Variants in CD4 observed in about 807,000 individuals in gnomAD.
CD4 encodes T-cell surface glycoprotein CD4.
CD4 carries 25 observed loss-of-function variants against 50.5 expected under a neutral mutation model. The ratio of observed to expected loss-of-function variants is 0.49; its 90% CI spans 0.36 to 0.69. The LOEUF (loss-of-function observed/expected upper bound fraction) is 0.69, where lower values mean the gene tolerates loss of function less well. Among genes scored for constraint, CD4 ranks in the 30% least tolerant of loss-of-function variants. CD4 has a pLI of 0.00. For synonymous variants in CD4, 207 were observed against 221.9 expected (o/e 0.93, Z 0.60); for missense variants, 456 against 548.5 (o/e 0.83, Z 1.68).
rs1398737130 is a variant in CD4 at position 6,814,258 on chromosome 12, G to C, written c.331G>C (p.Val111Leu). ...IEDSDTYICE[V>L]EDQKEEVQLL... ...AGACTCAGATACTTACATCTGTGAA[G>C]TGGAGGACCAGAAGGAGGAGGTGCA... Residue 111 changes from valine to leucine, a missense_variant, in exon 4 of 10, where the codon GTG becomes CTG. By Grantham distance (32) the Val-to-Leu change is conservative. Coordinates refer to ENST00000011653, the MANE Select transcript of CD4 (RefSeq NM_000616.5). 3 of 1,614,064 alleles carry C rather than the reference G, an allele frequency of 1.9e-6. No homozygotes were observed. The highest frequency in any genetic ancestry group is 2.7e-5 in the African/African-American group (2 of 74,936).
At chr12:6,798,387 T>C (rs577954520) in intron 1 of CD4, among the ~76,000 whole-genome samples, 2 of 98,424 alleles carry the variant, frequency 2.0e-5, no homozygotes, top group South Asian at 2.3e-4. Flanking sequence ...TTCACCAGGA[T>C]GGTCTCGATC....
At chr12:6,806,832 T>C (rs1942775233) in intron 3 of CD4, among the ~76,000 whole-genome samples, 1 of 152,192 alleles carries the variant, frequency 6.6e-6, no homozygotes, top group Non-Finnish European at 1.5e-5. Flanking sequence ...GAGGCTAAAA[T>C]GGCAAAGCCA....
intron 5 of CD4, 200 bp downstream of exon 5, chr12:6,815,192 A>G: frequency 1.8e-6 from 1 of 559,296 alleles, no homozygotes; most frequent in African/African-American, 1.9e-5. Flanking sequence ...GCCACCCCTC[A>G]GTGTGGTGGA....
chr12:6,819,077 GC>G (rs1565503611), intron 9 of CD4, among the ~76,000 whole-genome samples, 163 bp downstream of exon 9: 1 of 151,126 alleles, frequency 6.6e-6, no homozygotes, highest in African/African-American at 2.4e-5. Flanking sequence ...GGAGATGGGG[GC>G]TAAAGGGGTG....
chr12:6,807,396 A>G (rs782573964), intron 3 of CD4, among the ~76,000 whole-genome samples: 1 of 152,232 alleles, frequency 6.6e-6, no homozygotes. Context: ...AAAAGGATGA[A>G]TCATAGTACA....
At position 6,818,762 on chromosome 12, in the gene CD4, C is replaced by T. The variant is rs114163955; in HGVS notation, c.1279-85C>T. ...GGCCATGTAACTGCTTCTCCTGTCG[C>T]AGCTTCCCCCACTCCCCCCACCAAG... is the stretch of plus-strand genomic sequence containing the variant. On this transcript the variant is annotated intron_variant, in intron 8 of 9. Coordinates refer to ENST00000011653, the MANE Select transcript of CD4 (RefSeq NM_000616.5). The surrounding 1 kb of genome is among the most constrained non-coding windows in gnomAD (Gnocchi z 5.0). 1,974 of 1,315,882 alleles carry T rather than the reference C, an allele frequency of 1.5e-3. 13 individuals carry two copies. The African/African-American group carries it at 0.02, about 13-fold the overall frequency. The allele number at this position is 1,315,882 out of a possible 1,614,324, so 81.5% of individuals were successfully genotyped here. A position where few individuals can be genotyped will look rare whatever the true frequency, so the allele number is the denominator to read the frequency against.
chr12:6,810,153 G>A (rs11575097), intron 3 of CD4, among the ~76,000 whole-genome samples: 1 of 149,806 alleles, frequency 6.7e-6, no homozygotes, highest in Admixed American at 6.7e-5. Flanking sequence ...GCCTCCCAGA[G>A]TGCTGGGATT....
chr12:6,817,708 ACT>A (rs782559673), intron 7 of CD4, among the ~76,000 whole-genome samples: 7 of 150,244 alleles, frequency 4.7e-5, no homozygotes, highest in South Asian at 2.1e-4. Flanking sequence ...ACTCCCATAC[ACT>A]CTCACACACG....
At chr12:6,794,775 GT>G (rs763211966) in intron 1 of CD4, among the ~76,000 whole-genome samples, 24 of 112,548 alleles carry the variant, frequency 2.1e-4, no homozygotes, top group East Asian at 2.0e-3. Flanking sequence ...CTGTATGTCT[GT>G]TTTTTTTTTG....
At position 6,818,499 on chromosome 12, in the gene CD4, T is replaced by A. The variant is rs11064421; in HGVS notation, c.1235T>A (p.Ile412Asn). 6.2e-7 allele frequency: 1 copy of A among 1,613,114 alleles called. No homozygotes were observed. The highest frequency in any genetic ancestry group is 1.1e-5 in the South Asian group (1 of 91,086). Residue 412 changes from isoleucine to asparagine, a missense_variant, in exon 8 of 10, where the codon ATT becomes AAT. By Grantham distance (149) the Ile-to-Asn change is moderately radical. Coordinates refer to ENST00000011653, the MANE Select transcript of CD4 (RefSeq NM_000616.5). This position sits in a 1 kb window ranked among gnomAD's most constrained non-coding sequence, Gnocchi z 5.0. ...LGGVAGLLLFIGLGIFFCVRC... is the reference protein window; with the variant it reads ...LGGVAGLLLFNGLGIFFCVRC... ...GGCGTCGCCGGCCTCCTGCTTTTCA[T>A]TGGGCTAGGCATCTTCTTCTGTGTC...
rs2137934495 is a variant in CD4 at position 6,819,417 on chromosome 12, C to T, written c.*88C>T. On this transcript the variant is annotated 3_prime_UTR_variant, in exon 10 of 10. Transcript: ENST00000011653. Reference sequence around the variant, plus strand: ...TGCGGACCAGATGAATGTAGCAGATCCCCAGCCTCTGGCCTCCTGTTCGCC... The same window carrying T: ...TGCGGACCAGATGAATGTAGCAGATTCCCAGCCTCTGGCCTCCTGTTCGCC... 3 of 1,303,072 alleles carry T rather than the reference C, an allele frequency of 2.3e-6. No individual in the cohort carries two copies. The highest frequency in any genetic ancestry group is 4.6e-5 in the East Asian group (2 of 43,414). 80.7% of individuals were successfully genotyped at this position (1,303,072 alleles called of 1,614,324 possible).
chr12:6,815,960 C>T (rs1555117840), intron 5 of CD4, 96 bp from the exon 6 acceptor site: 7 of 1,566,816 alleles, frequency 4.5e-6, no homozygotes, highest in East Asian at 4.6e-5. Flanking sequence ...TCGTCGGGTC[C>T]CCTTCCATCT....
Position 6,796,351 on chromosome 12 carries a change from C to T in CD4, c.-67-3721C>T, listed in dbSNP as rs78555337. On this transcript the variant is annotated intron_variant, in intron 1 of 9. Coordinates refer to ENST00000011653, the MANE Select transcript of CD4 (RefSeq NM_000616.5). ...TCACCAAGCTTCAACGGCAAAGATG[C>T]CACTGGGGGAAAGAAGGACCAAGCT... Among the ~76,000 whole-genome samples, 153 of 152,332 alleles carry T rather than the reference C, an allele frequency of 1.0e-3. No individual in the cohort carries two copies. In the Middle Eastern group the frequency reaches 0.014, roughly 14 times the overall value.
chr12:6,818,737 G>A lies in CD4; in HGVS notation c.1279-110G>A. 8.3e-7 allele frequency: 1 copy of A among 1,207,226 alleles called. No homozygotes were observed. The highest frequency in any genetic ancestry group is 1.2e-6 in the Non-Finnish European group (1 of 814,022). The allele number at this position is 1,207,226 out of a possible 1,614,324, so 74.8% of individuals were successfully genotyped here. ...AGTTAATTCCAGGATAGATGGCCTG[G>A]GCCATGTAACTGCTTCTCCTGTCGC... is the stretch of plus-strand genomic sequence containing the variant. On this transcript the variant is annotated intron_variant, in intron 8 of 9. Transcript: ENST00000011653. This position sits in a 1 kb window ranked among gnomAD's most constrained non-coding sequence, Gnocchi z 5.0.
intron 1 of CD4, among the ~76,000 whole-genome samples, chr12:6,793,695 TCTATCTATC>T (rs770322066): frequency 0.28 from 29,144 of 103,000 alleles, 3,849 homozygotes; most frequent in East Asian, 0.43. Context: ...TATCTATCTA[TCTATCTATC>T]TTTTTTTTTT....
At chr12:6,795,952 G>T (rs2857233) in intron 1 of CD4, among the ~76,000 whole-genome samples, 1 of 152,212 alleles carries the variant, frequency 6.6e-6, no homozygotes, top group Non-Finnish European at 1.5e-5. Context: ...GGCCCCGTGG[G>T]GATGAACAGC....
intron 3 of CD4, 58 bp from the exon 4 acceptor site, chr12:6,814,084 C>T (rs782299722): frequency 1.5e-5 from 22 of 1,483,872 alleles, no homozygotes; most frequent in Middle Eastern, 1.8e-4. Flanking sequence ...ATTCTCTTGC[C>T]AGAGGTGCCC....
At position 6,792,785 on chromosome 12, in the gene CD4, G is replaced by C. The variant is rs948458167; in HGVS notation, c.-68+3123G>C. ...CAGCCTGAGAGGGGAAGCTGAAAAA[G>C]GAGAAGAGGCAAGGGGCATTCCAGG... On this transcript the variant is annotated intron_variant, in intron 1 of 9. Transcript: ENST00000011653. The surrounding 1 kb of genome is among the most constrained non-coding windows in gnomAD (Gnocchi z 4.1). Among the ~76,000 whole-genome samples the C allele has an allele frequency of 2.0e-5, 3 of 152,180 alleles. No homozygotes were observed. Among genetic ancestry groups the C allele is most frequent in the African/African-American group, 7.2e-5 (3 of 41,446 alleles).
Position 6,820,492 on chromosome 12 carries a change from G to A in CD4, c.*1163G>A, listed in dbSNP as rs1476406306. The A allele has an allele frequency of 6.6e-6, 1 of 152,284 alleles. No homozygotes were observed. The highest frequency in any genetic ancestry group is 2.4e-5 in the African/African-American group (1 of 41,424). The allele number at this position is 152,284 out of a possible 1,614,324, so 9.4% of individuals were successfully genotyped here. On this transcript the variant is annotated 3_prime_UTR_variant, in exon 10 of 10. Coordinates refer to ENST00000011653, the MANE Select transcript of CD4 (RefSeq NM_000616.5). ...CCTCTAAGGGACCTCAAAGGTGATT[G>A]TGCCAGGCTCTGCGCCTGCCCCACA...
Sources: allele counts gnomAD v4.1 joint callset (sites outside exome capture counted in the v4.1 genomes callset), GRCh38; gene constraint gnomAD v4.1.1; non-coding constraint Gnocchi (gnomAD v3.1); transcripts MANE v1.5; gene names NCBI Gene and HGNC (gene_info 2026-07-23, HGNC 2026-07-21).